Variants in FAM83G observed in about 807,000 individuals in gnomAD.
FAM83G encodes protein FAM83G.
Under a neutral mutation model 61.5 loss-of-function variants are expected in FAM83G, and 38 were observed. The ratio of observed to expected loss-of-function variants is 0.62; its 90% CI spans 0.48 to 0.81. FAM83G has a LOEUF of 0.81. FAM83G is among the 30% of genes least tolerant of loss of function. The pLI is 0.00. For synonymous variants in FAM83G, 470 were observed against 476.1 expected (o/e 0.99, Z 0.17); for missense variants, 989 against 1,133.6 (o/e 0.87, Z 1.83).
In FAM83G at chr17:19,003,786, G is replaced by C. The variant is rs1370799275; in HGVS notation, c.256C>G (p.Pro86Ala). ...PGSEDPRGTG[P>A]SQGPEDNGVG... ...CCATTGTCCTCGGGCCCCTGAGAGG[G>C]GCCCGTGCCCCGAGGGTCCTCAGAG... Residue 86 changes from proline to alanine, a missense_variant, in exon 2 of 6, where the codon CCC (proline) becomes GCC (alanine). Coordinates refer to ENST00000388995, the MANE Select transcript of FAM83G (RefSeq NM_001039999.3). This position sits in a 1 kb window ranked among gnomAD's most constrained non-coding sequence, Gnocchi z 4.5. 15 of 1,611,668 alleles carry C rather than the reference G, an allele frequency of 9.3e-6. No homozygotes were observed. Among genetic ancestry groups the C allele is most frequent in the African/African-American group, 1.3e-5 (1 of 74,868 alleles).
In FAM83G at chr17:19,004,096, T is replaced by C. The variant is rs557284855; in HGVS notation, c.-55A>G. 86 of 1,513,580 alleles carry C rather than the reference T, an allele frequency of 5.7e-5. No individual in the cohort carries two copies. The Admixed American group carries it at 1.7e-3, about 30-fold the overall frequency. The allele number at this position is 1,513,580 out of a possible 1,614,324, so 93.8% of individuals were successfully genotyped here. A position where few individuals can be genotyped will look rare whatever the true frequency, so the allele number is the denominator to read the frequency against. On this transcript the variant is annotated 5_prime_UTR_variant, in exon 2 of 6. Coordinates refer to ENST00000388995, the MANE Select transcript of FAM83G (RefSeq NM_001039999.3). The surrounding 1 kb of genome is among the most constrained non-coding windows in gnomAD (Gnocchi z 5.4). ...GGGTGGGTGGGCAAGGTCCAGCTCC[T>C]AGCTCCGGCCCAGCTGGGGCACCGC...
intron 3 of FAM83G, among the ~76,000 whole-genome samples, chr17:18,984,410 G>A (rs1184222585): frequency 6.6e-6 from 1 of 151,560 alleles, no homozygotes; most frequent in Non-Finnish European, 1.5e-5. Flanking sequence ...GGTAGAGACA[G>A]CAAGCAACAC....
In FAM83G at chr17:18,981,530, G is replaced by C. The variant is rs560594725; in HGVS notation, c.691-1857C>G. On this transcript the variant is annotated intron_variant, in intron 3 of 5. Coordinates refer to ENST00000388995, the MANE Select transcript of FAM83G (RefSeq NM_001039999.3). Reference sequence around the variant, plus strand: ...GTGAGGTGAATGCTATGGGAGAGGAGGGGAGCCTGAGAGAGCAGAGCTGCC... The same window carrying C: ...GTGAGGTGAATGCTATGGGAGAGGACGGGAGCCTGAGAGAGCAGAGCTGCC... 1.1e-4 allele frequency among the ~76,000 whole-genome samples: 16 copies of C among 152,248 alleles called. 1 individual carries two copies. Among genetic ancestry groups the C allele is most frequent in the African/African-American group, 3.9e-4 (16 of 41,526 alleles).
Position 19,003,549 on chromosome 17 carries a change from C to T in FAM83G, c.493G>A (p.Val165Met), listed in dbSNP as rs756510903. 6.4e-7 allele frequency: 1 copy of T among 1,554,666 alleles called. No individual in the cohort carries two copies. Among genetic ancestry groups the T allele is most frequent in the Non-Finnish European group, 8.7e-7 (1 of 1,150,166 alleles). Residue 165 changes from valine (V) to methionine (M), a missense_variant, in exon 2 of 6, where the codon GTG becomes ATG. Around this residue, in one of 3 missense-constraint regions of FAM83G, gnomAD observed 371 missense variants for 404.5 expected, o/e 0.92. Transcript: ENST00000388995. This position sits in a 1 kb window ranked among gnomAD's most constrained non-coding sequence, Gnocchi z 4.5. The part of the protein sequence containing the change: ...IDGQAHIKEV[V>M]RKMISQAQKV... ...TGTGCCTGGCTGATCATCTTCCGCA[C>T]CACCTCTTTGATGTGGGCCTGCCCG...
At chr17:18,993,565 G>A (rs1424518462) in intron 2 of FAM83G, among the ~76,000 whole-genome samples, 2 of 152,186 alleles carry the variant, frequency 1.3e-5, no homozygotes, top group East Asian at 3.9e-4. Context: ...CTATGCTCCA[G>A]GCAGGTGGAG....
Position 18,979,599 on chromosome 17 carries a change from G to A in FAM83G, c.765C>T (p.Ala255=), listed in dbSNP as rs757307824. ...CTCCATCCACAAACATGAACTTCTG[G>A]GCCAGGGCACCCTTGAACTTGGTTG... ...RSATKFKGAL[A]QKFMFVDGDR... Residue 255 remains alanine (A), a synonymous_variant, in exon 4 of 6, where the codon GCC becomes GCT. Transcript: ENST00000388995. 59 of 1,613,412 alleles carry A rather than the reference G, an allele frequency of 3.7e-5. No individual in the cohort carries two copies. Among genetic ancestry groups the A allele is most frequent in the Non-Finnish European group, 4.7e-5 (55 of 1,180,004 alleles).
At chr17:18,981,531 G>A (rs1178663164) in intron 3 of FAM83G, among the ~76,000 whole-genome samples, 1 of 152,108 alleles carries the variant, frequency 6.6e-6, no homozygotes, top group African/African-American at 2.4e-5. Flanking sequence ...GGGAGAGGAG[G>A]GGAGCCTGAG....
chr17:18,978,900 C>A, intron 4 of FAM83G, 50 bp from the exon 5 acceptor site: 1 of 1,590,816 alleles, frequency 6.3e-7, no homozygotes, highest in Non-Finnish European at 8.6e-7. Flanking sequence ...CTGCTTCCTC[C>A]GCCCAGCCCC....
chr17:18,978,951 G>T, intron 4 of FAM83G, 101 bp from the exon 5 acceptor site: 1 of 1,356,522 alleles, frequency 7.4e-7, no homozygotes. Context: ...GTGGCCACAG[G>T]GCCCTGGGAT....
Position 19,000,332 on chromosome 17 carries a change from G to A in FAM83G, c.522+3188C>T, listed in dbSNP as rs921555275. Among the ~76,000 whole-genome samples the A allele has an allele frequency of 2.0e-5, 3 of 152,164 alleles. No homozygotes were observed. Reference sequence around the variant, plus strand: ...GGCAGCAAGGTGTCAGGGCTGAAGGGGCCCCTAACAGTCTTCAATACCTGT... The same window carrying A: ...GGCAGCAAGGTGTCAGGGCTGAAGGAGCCCCTAACAGTCTTCAATACCTGT... On this transcript the variant is annotated intron_variant, in intron 2 of 5. Transcript: ENST00000388995. The surrounding 1 kb of genome is among the most constrained non-coding windows in gnomAD (Gnocchi z 5.2).
chr17:18,978,233 G>T lies in FAM83G; in HGVS notation c.1433C>A (p.Pro478Gln). Residue 478 changes from proline to glutamine, a missense_variant, in exon 5 of 6, where the codon CCA becomes CAA. By Grantham distance (76) the Pro-to-Gln change is moderately conservative (BLOSUM62 -1). Around this residue, in one of 3 missense-constraint regions of FAM83G, gnomAD observed 574 missense variants for 645.1 expected, o/e 0.89. Transcript: ENST00000388995. ...ACCGTCCTGGGGGGCACTGGGCTCT[G>T]GGGGAGGGCAAGGCTCTGGACGGGG... ...SRPRPEPCPP[P>Q]EPSAPQDGVP... 2 of 1,588,756 alleles carry T rather than the reference G, an allele frequency of 1.3e-6. No individual in the cohort carries two copies. Among genetic ancestry groups the T allele is most frequent in the Non-Finnish European group, 1.7e-6 (2 of 1,166,784 alleles).
rs76467599 is a variant in FAM83G, at chr17:19,001,794, G to A, written c.522+1726C>T. ...CCTGGGAGCCCCTATCTGGCCCATC[G>A]CTGGGCGGGGGATCTGTCTGTCTGC... On this transcript the variant is annotated intron_variant, in intron 2 of 5. Coordinates refer to ENST00000388995, the MANE Select transcript of FAM83G (RefSeq NM_001039999.3). Among the ~76,000 whole-genome samples the A allele has an allele frequency of 1.6e-4, 24 of 151,590 alleles. No homozygotes were observed. In the East Asian group the frequency reaches 4.4e-3, roughly 28 times the overall value.
intron 3 of FAM83G, among the ~76,000 whole-genome samples, chr17:18,987,986 G>A (rs1314597474): frequency 6.6e-6 from 1 of 152,232 alleles, no homozygotes; most frequent in Non-Finnish European, 1.5e-5. Flanking sequence ...TGCAGCACTT[G>A]GCATGAGCTC....
Position 19,003,364 on chromosome 17 carries a change from G to A in FAM83G, c.522+156C>T, listed in dbSNP as rs546032112. Among the ~76,000 whole-genome samples the A allele has an allele frequency of 2.1e-4, 32 of 152,170 alleles. No individual in the cohort carries two copies. Among genetic ancestry groups the A allele is most frequent in the African/African-American group, 7.7e-4 (32 of 41,526 alleles). On this transcript the variant is annotated intron_variant, in intron 2 of 5. Transcript: ENST00000388995. The surrounding 1 kb of genome is among the most constrained non-coding windows in gnomAD (Gnocchi z 4.5). ...GAAACTGCGGATCCCCACGAAGGTG[G>A]GGAGGAAACCTCCACCCAAGAGGCA...
rs201510193 is a variant in FAM83G, at chr17:18,979,654, C to T, written c.710G>A (p.Ser237Asn). 1 of 1,613,502 alleles carries T rather than the reference C, an allele frequency of 6.2e-7. No homozygotes were observed. Among genetic ancestry groups the T allele is most frequent in the East Asian group, 2.2e-5 (1 of 44,884 alleles). The change falls in exon 4 of 6, where the codon AGC (serine) becomes AAC (asparagine). Residue 237 changes from serine (S) to asparagine (N), a missense_variant. Physicochemically the swap from Ser to Asn is conservative, Grantham distance 46. Transcript: ENST00000388995. ...GHLKNLRVRS[S>N]GGTEFFTRSA... ...CCGCGTGAAGAACTCAGTTCCCCCGCTGCTCCGCACTCTGAGATTCTGTTT... is the reference window on the plus strand; with the variant it reads ...CCGCGTGAAGAACTCAGTTCCCCCGTTGCTCCGCACTCTGAGATTCTGTTT...
chr17:18,985,117 C>T (rs184436408), intron 3 of FAM83G, among the ~76,000 whole-genome samples: 421 of 152,308 alleles, frequency 2.8e-3, no homozygotes, highest in Non-Finnish European at 3.7e-3. Flanking sequence ...GAAAGAAAGC[C>T]GCTCAGCACT....
At chr17:18,976,464 C>T (rs1316449158) in intron 5 of FAM83G, 4 of 177,386 alleles carry the variant, frequency 2.3e-5, no homozygotes, top group Non-Finnish European at 4.7e-5. Context: ...GCTCCTGGCA[C>T]TATAAATGTG....
rs2043814749 is a variant in FAM83G at position 19,004,167 on chromosome 17, A to G, written c.-126T>C. 1.1e-6 allele frequency: 1 copy of G among 937,204 alleles called. No individual in the cohort carries two copies. Among genetic ancestry groups the G allele is most frequent in the Non-Finnish European group, 1.5e-6 (1 of 649,282 alleles). The allele number at this position is 937,204 out of a possible 1,614,324, so 58.1% of individuals were successfully genotyped here. A position where few individuals can be genotyped will look rare whatever the true frequency, so the allele number is the denominator to read the frequency against. On this transcript the variant is annotated splice_region_variant and 5_prime_UTR_variant, in exon 2 of 6. Transcript: ENST00000388995. The surrounding 1 kb of genome is among the most constrained non-coding windows in gnomAD (Gnocchi z 5.4). The stretch of plus-strand genomic sequence containing the variant: ...GGCCTCTGCTTCTCTGCCCATGAGC[A>G]ATCTGCGGGAAAGACCTGATGAGCC...
chr17:18,979,569 C>T lies in FAM83G; in HGVS notation c.795G>A (p.Arg265=). 1 of 1,613,452 alleles carries T rather than the reference C, an allele frequency of 6.2e-7. No homozygotes were observed. Among genetic ancestry groups the T allele is most frequent in the Non-Finnish European group, 8.5e-7 (1 of 1,179,980 alleles). Residue 265 remains arginine, a synonymous_variant, in exon 4 of 6, where the codon CGG becomes CGA. Transcript: ENST00000388995. ...AQKFMFVDGD[R]AVCGSYSFTW... is the part of the protein sequence containing the mutation. Reference sequence around the variant, plus strand: ...GTCACCTGTAGGAGCCGCACACAGCCCGGTCTCCATCCACAAACATGAACT... The same window carrying T: ...GTCACCTGTAGGAGCCGCACACAGCTCGGTCTCCATCCACAAACATGAACT...
Sources: gnomAD v4.1 joint callset for allele counts (sites outside exome capture counted in the v4.1 genomes callset) on GRCh38, gnomAD v4.1.1 for gene constraint, gnomAD v4.1.1 regional missense constraint, Gnocchi (gnomAD v3.1) non-coding constraint, MANE v1.5 for transcripts, NCBI Gene and HGNC (gene_info 2026-07-23, HGNC 2026-07-21) for gene names.